DCHS2: variants seen among roughly 807,000 people sequenced by gnomAD.
The protein encoded by DCHS2 is protocadherin-23.
In DCHS2, 142 loss-of-function variants were observed where a neutral mutation model predicts 182.4. The ratio of observed to expected loss-of-function variants is 0.78; its 90% CI spans 0.68 to 0.89. DCHS2 has a LOEUF of 0.89. DCHS2 is among the 40% of genes least tolerant of loss of function. DCHS2 has a pLI of 0.00. For missense variants in DCHS2, 4,319 were observed against 4,198.6 expected (o/e 1.03, Z -0.79); for synonymous variants, 1,740 against 1,663.3 (o/e 1.05, Z -1.12).
intron 13 of DCHS2, among the ~76,000 whole-genome samples, chr4:154,280,489 A>G (rs76875948): frequency 0.013 from 1,956 of 152,248 alleles, 46 homozygotes; most frequent in African/African-American, 0.045. Context: ...ATACTAGCAA[A>G]CATAATTCAA....
chr4:154,490,238 C>T lies in DCHS2; in HGVS notation c.1118G>A (p.Arg373His). 6.5e-7 allele frequency: 1 copy of T among 1,549,638 alleles called. No individual in the cohort carries two copies. The highest frequency in any genetic ancestry group is 8.7e-7 in the Non-Finnish European group (1 of 1,146,798). ...GVVRVWRPLD[R>H]EAQAWHQLVV... is the part of the protein sequence containing the mutation. ...CAACTGGTGCCAGGCCTGTGCCTCG[C>T]GGTCCAGAGGTCTCCACACTCGCAC... The change falls in exon 1 of 20, where the codon CGC becomes CAC. Residue 373 changes from arginine to histidine, a missense_variant. By Grantham distance (29) the Arg-to-His change is conservative. Coordinates refer to ENST00000357232, the MANE Select transcript of DCHS2 (RefSeq NM_001358235.2).
At chr4:154,404,146 A>G (rs1312728745) in intron 1 of DCHS2, among the ~76,000 whole-genome samples, 2 of 152,090 alleles carry the variant, frequency 1.3e-5, no homozygotes, top group Non-Finnish European at 2.9e-5. Flanking sequence ...CTTTTCTAAT[A>G]TAAATATGTA....
At chr4:154,285,159 T>C (rs536157578) in intron 13 of DCHS2, among the ~76,000 whole-genome samples, 11 of 152,120 alleles carry the variant, frequency 7.2e-5, no homozygotes, top group African/African-American at 1.9e-4. Flanking sequence ...TTAAGGCAAA[T>C]ACCTAGTCCT....
intron 1 of DCHS2, among the ~76,000 whole-genome samples, chr4:154,413,349 C>T (rs1732706491): frequency 1.3e-5 from 2 of 151,982 alleles, no homozygotes; most frequent in African/African-American, 4.8e-5. Context: ...ATGAACACCA[C>T]TTTTTGTCAC....
rs1731265347 is a variant in DCHS2 at position 154,232,993 on chromosome 4, A to G, written c.*1543T>C. 6.6e-6 allele frequency: 1 copy of G among 152,226 alleles called. No homozygotes were observed. Among genetic ancestry groups the G allele is most frequent in the Non-Finnish European group, 1.5e-5 (1 of 68,038 alleles). 9.4% of individuals were successfully genotyped at this position (152,226 alleles called of 1,614,324 possible). A position where few individuals can be genotyped will look rare whatever the true frequency, so the allele number is the denominator to read the frequency against. ...TGTAGAATTACTTATCTACAAAACCAGACATCAAACACTGCACCTTGCAAT... is the reference window on the plus strand; with the variant it reads ...TGTAGAATTACTTATCTACAAAACCGGACATCAAACACTGCACCTTGCAAT... On this transcript the variant is annotated 3_prime_UTR_variant, in exon 20 of 20. Coordinates refer to ENST00000357232, the MANE Select transcript of DCHS2 (RefSeq NM_001358235.2).
intron 10 of DCHS2, among the ~76,000 whole-genome samples, chr4:154,314,754 T>C (rs745460421): frequency 2.0e-5 from 3 of 152,208 alleles, no homozygotes; most frequent in Non-Finnish European, 4.4e-5. Flanking sequence ...TAATGCCATT[T>C]GCTATATACA....
chr4:154,402,815 C>T (rs992366488), intron 1 of DCHS2, among the ~76,000 whole-genome samples: 2 of 152,174 alleles, frequency 1.3e-5, no homozygotes, highest in Non-Finnish European at 2.9e-5. Context: ...AATGCATGAA[C>T]ATTATATACC....
At chr4:154,246,883 ATAAC>A (rs1224140828) in intron 16 of DCHS2, among the ~76,000 whole-genome samples, 2 of 152,160 alleles carry the variant, frequency 1.3e-5, no homozygotes, top group Admixed American at 6.5e-5. Flanking sequence ...GAAATAAAAT[ATAAC>A]TAACAAAGAA....
chr4:154,408,126 T>G (rs1349018477), intron 1 of DCHS2, among the ~76,000 whole-genome samples: 6 of 152,234 alleles, frequency 3.9e-5, no homozygotes, highest in African/African-American at 1.4e-4. Flanking sequence ...AAGTTAATAC[T>G]AATATAACTT....
At chr4:154,463,142 T>C (rs552534209) in intron 1 of DCHS2, among the ~76,000 whole-genome samples, 1 of 121,664 alleles carries the variant, frequency 8.2e-6, no homozygotes, top group East Asian at 2.5e-4. Flanking sequence ...TACATACTTA[T>C]GTGTATATAT....
chr4:154,437,384 G>A (rs1169252118), intron 1 of DCHS2, among the ~76,000 whole-genome samples: 1 of 152,168 alleles, frequency 6.6e-6, no homozygotes, highest in Non-Finnish European at 1.5e-5. Context: ...TCAGTGACAG[G>A]GAAGGGAAGG....
At chr4:154,485,126 G>A (rs1728538973) in intron 1 of DCHS2, among the ~76,000 whole-genome samples, 1 of 151,310 alleles carries the variant, frequency 6.6e-6, no homozygotes, top group Non-Finnish European at 1.5e-5. Flanking sequence ...ATGAACTTCT[G>A]GGAATATACA....
chr4:154,392,391 G>T (rs1731747163), intron 1 of DCHS2, among the ~76,000 whole-genome samples: 1 of 151,992 alleles, frequency 6.6e-6, no homozygotes, highest in Non-Finnish European at 1.5e-5. Context: ...AACATGAACA[G>T]GTGCACTCTA....
chr4:154,303,631 G>A (rs1735311778), intron 12 of DCHS2, among the ~76,000 whole-genome samples: 1 of 152,092 alleles, frequency 6.6e-6, no homozygotes, highest in Admixed American at 6.5e-5. Context: ...TAAAGACTGG[G>A]TCCTTGGGGC....
In DCHS2 at chr4:154,333,387, C is replaced by G. The variant is rs777344874; in HGVS notation, c.2821G>C (p.Glu941Gln). The G allele has an allele frequency of 6.2e-6, 10 of 1,613,978 alleles. No homozygotes were observed. The highest frequency in any genetic ancestry group is 8.5e-6 in the Non-Finnish European group (10 of 1,180,034). The change falls in exon 5 of 20, where the codon GAG (glutamate) becomes CAG (glutamine). Residue 941 changes from glutamate to glutamine, a missense_variant. Coordinates refer to ENST00000357232, the MANE Select transcript of DCHS2 (RefSeq NM_001358235.2). Reference sequence around the variant, plus strand: ...GTGAGCACAACCACGGGCTGCGTCTCGTGATCCAGGGGCTTCCGGGTGCGA... The same window carrying G: ...GTGAGCACAACCACGGGCTGCGTCTGGTGATCCAGGGGCTTCCGGGTGCGA... ...TIRTRKPLDH[E>Q]TQPVVVLTVQ... is the part of the protein sequence containing the mutation.
chr4:154,381,544 T>C (rs964227915), intron 1 of DCHS2, among the ~76,000 whole-genome samples: 54 of 152,206 alleles, frequency 3.5e-4, no homozygotes, highest in African/African-American at 1.2e-3. Flanking sequence ...TTCGTAAGAC[T>C]CTGCCAAAAG....
At chr4:154,302,811 A>T (rs1735256916) in intron 12 of DCHS2, among the ~76,000 whole-genome samples, 1 of 126,538 alleles carries the variant, frequency 7.9e-6, no homozygotes, top group Admixed American at 7.7e-5. Context: ...ACTTATATAT[A>T]TTTCATATAT....
intron 1 of DCHS2, among the ~76,000 whole-genome samples, chr4:154,408,314 C>T (rs976253815): frequency 2.0e-5 from 3 of 152,130 alleles, no homozygotes; most frequent in Non-Finnish European, 4.4e-5. Flanking sequence ...GGTGCCAGAG[C>T]TATATTTAAT....
intron 1 of DCHS2, among the ~76,000 whole-genome samples, chr4:154,415,722 C>A (rs534600007): frequency 6.6e-6 from 1 of 152,128 alleles, no homozygotes; most frequent in Non-Finnish European, 1.5e-5. Context: ...AAACCGAGGT[C>A]GGTGAGGAAA....
Sources: allele counts gnomAD v4.1 joint callset (sites outside exome capture counted in the v4.1 genomes callset), GRCh38; gene constraint gnomAD v4.1.1; transcripts MANE v1.5; gene names NCBI Gene and HGNC (gene_info 2026-07-23, HGNC 2026-07-21).